Variants in CLIP1 observed in about 807,000 individuals in gnomAD.
CLIP1 encodes CAP-Gly domain containing linker protein 1.
In CLIP1, 66 loss-of-function variants were observed where a neutral mutation model predicts 161.6. The observed-to-expected ratio is 0.41, with a 90% CI of 0.33 to 0.50. CLIP1 has a LOEUF of 0.50. CLIP1 is among the 20% of genes least tolerant of loss of function. The pLI is 0.27. For synonymous variants in CLIP1, 598 were observed against 626.2 expected (o/e 0.96, Z 0.67); for missense variants, 1,376 against 1,702.0 (o/e 0.81, Z 3.37).
chr12:122,364,882 A>G, intron 3 of CLIP1: 2 of 633,216 alleles, frequency 3.2e-6, no homozygotes, highest in Non-Finnish European at 3.0e-6. Flanking sequence ...ATGCAAATCT[A>G]TAAGAAAGGT....
intron 1 of CLIP1, among the ~76,000 whole-genome samples, chr12:122,394,662 CGGATCACG>C (rs1181319893): frequency 2.0e-5 from 3 of 151,420 alleles, no homozygotes; most frequent in African/African-American, 7.3e-5. Context: ...CCGAGGTGGA[CGGATCACG>C]AGATCAGGAG....
chr12:122,374,315 C>CAAA (rs537296671), intron 3 of CLIP1, among the ~76,000 whole-genome samples: 2,121 of 45,908 alleles, frequency 0.046, 168 homozygotes, highest in African/African-American at 0.16. Flanking sequence ...ACTAAAAATA[C>CAAA]AAAAAAAAAA....
chr12:122,320,112 A>C (rs957610770), intron 17 of CLIP1, among the ~76,000 whole-genome samples: 7 of 151,954 alleles, frequency 4.6e-5, no homozygotes, highest in Non-Finnish European at 1.0e-4. Flanking sequence ...GTCTCTAATA[A>C]AAATACAAAA....
intron 22 of CLIP1, 27 bp from the exon 23 acceptor site, chr12:122,278,969 T>C (rs1362196268): frequency 6.2e-7 from 1 of 1,605,404 alleles, no homozygotes; most frequent in South Asian, 1.1e-5. Context: ...TAGCTTAGGC[T>C]GAGGGTTTGA....
chr12:122,360,292 G>T (rs189224673), intron 5 of CLIP1, among the ~76,000 whole-genome samples: 42 of 152,148 alleles, frequency 2.8e-4, no homozygotes, highest in African/African-American at 1.0e-3. Flanking sequence ...AGAAAGAGAG[G>T]CTGGGAGCAG....
chr12:122,422,217 G>A (rs1299529090), intron 1 of CLIP1, among the ~76,000 whole-genome samples: 3 of 152,114 alleles, frequency 2.0e-5, no homozygotes, highest in African/African-American at 4.8e-5. Flanking sequence ...GCGGCGCAGG[G>A]GCAAGGAGTC....
intron 3 of CLIP1, among the ~76,000 whole-genome samples, chr12:122,377,162 C>G (rs1480214774): frequency 1.3e-5 from 2 of 152,004 alleles, no homozygotes; most frequent in Non-Finnish European, 2.9e-5. Context: ...GCGCCCCCAC[C>G]AATCCCAGCT....
At chr12:122,308,399 C>T (rs1566099241) in intron 20 of CLIP1, among the ~76,000 whole-genome samples, 1 of 152,214 alleles carries the variant, frequency 6.6e-6, no homozygotes. Context: ...ATGCCAAATG[C>T]TGTAGGTGTT....
In CLIP1 at chr12:122,341,664, C is replaced by A; in HGVS notation, c.1540G>T (p.Glu514Ter). The change falls in exon 11 of 26, where the codon GAA (glutamate) becomes TAA (stop). Residue 514 changes from glutamate to a stop codon, truncating the protein, a stop_gained. Transcript: ENST00000620786. LOFTEE classifies it high-confidence loss of function. ...ATVSEKSRIM[E>*]LEKDLALRVQ... ...CTCAATGCTAGGTCTTTCTCCAGTT[C>A]CATTATACGTGACTTTTCTGAAACT... The A allele has an allele frequency of 6.3e-7, 1 of 1,598,976 alleles. No homozygotes were observed. The highest frequency in any genetic ancestry group is 2.2e-5 in the East Asian group (1 of 44,584).
intron 20 of CLIP1, among the ~76,000 whole-genome samples, chr12:122,290,580 GA>G (rs1338867798): frequency 6.6e-6 from 1 of 151,906 alleles, no homozygotes; most frequent in African/African-American, 2.4e-5. Context: ...TTTTTACAAT[GA>G]ATATATAAAT....
intron 11 of CLIP1, among the ~76,000 whole-genome samples, chr12:122,338,410 A>G (rs1952342147): frequency 6.6e-6 from 1 of 152,086 alleles, no homozygotes; most frequent in Non-Finnish European, 1.5e-5. Flanking sequence ...TGACATTTAA[A>G]TAAAATTTAA....
At chr12:122,405,509 C>A (rs1407601133) in intron 1 of CLIP1, among the ~76,000 whole-genome samples, 1 of 152,194 alleles carries the variant, frequency 6.6e-6, no homozygotes, top group Non-Finnish European at 1.5e-5. Context: ...CAAATAGCAG[C>A]CAGGCGCGGT....
At chr12:122,290,708 G>A (rs1339368259) in intron 20 of CLIP1, among the ~76,000 whole-genome samples, 2 of 152,058 alleles carry the variant, frequency 1.3e-5, no homozygotes, top group African/African-American at 4.8e-5. Flanking sequence ...CTTTCTTAGA[G>A]GGTCCATGTG....
chr12:122,363,641 C>T (rs534661096), intron 4 of CLIP1, among the ~76,000 whole-genome samples: 1 of 152,132 alleles, frequency 6.6e-6, no homozygotes, highest in South Asian at 2.1e-4. Flanking sequence ...CTACCTTCTG[C>T]CCCCGCCCCC....
intron 1 of CLIP1, among the ~76,000 whole-genome samples, chr12:122,383,500 G>T (rs1292791729): frequency 6.6e-6 from 1 of 152,186 alleles, no homozygotes; most frequent in Non-Finnish European, 1.5e-5. Flanking sequence ...GGGCTCTGTT[G>T]TCCAATCCTC....
intron 20 of CLIP1, among the ~76,000 whole-genome samples, chr12:122,306,899 TATTCTC>T (rs1366925839): frequency 2.0e-5 from 3 of 152,148 alleles, no homozygotes; most frequent in African/African-American, 7.2e-5. Context: ...AAAAAAGTTT[TATTCTC>T]AGAATAGAAC....
intron 1 of CLIP1, among the ~76,000 whole-genome samples, chr12:122,411,255 A>C (rs897925251): frequency 1.3e-5 from 2 of 152,102 alleles, no homozygotes; most frequent in Non-Finnish European, 2.9e-5. Context: ...GTCTCTACTA[A>C]AACTATAAAA....
At chr12:122,418,689 G>A (rs1956835407) in intron 1 of CLIP1, among the ~76,000 whole-genome samples, 1 of 152,140 alleles carries the variant, frequency 6.6e-6, no homozygotes, top group African/African-American at 2.4e-5. Context: ...AGCCCAGGAG[G>A]GAGTTCAAGG....
At chr12:122,293,022 A>G (rs932193535) in intron 20 of CLIP1, among the ~76,000 whole-genome samples, 1 of 148,708 alleles carries the variant, frequency 6.7e-6, no homozygotes, top group African/African-American at 2.5e-5. Context: ...AAAAAAAAAA[A>G]GGCAAAGAAA....
Sources: gnomAD v4.1 joint callset for allele counts (sites outside exome capture counted in the v4.1 genomes callset) on GRCh38, gnomAD v4.1.1 for gene constraint, MANE v1.5 for transcripts, NCBI Gene and HGNC (gene_info 2026-07-23, HGNC 2026-07-21) for gene names.